NBAS: variants seen among roughly 807,000 people sequenced by gnomAD.
NBAS encodes the protein NBAS subunit of NRZ tethering complex.
In NBAS, 219 loss-of-function variants were observed where a neutral mutation model predicts 302.5. The observed-to-expected ratio is 0.72, with a 90% CI of 0.65 to 0.81. The LOEUF (loss-of-function observed/expected upper bound fraction) is 0.81, where lower values mean the gene tolerates loss of function less well. Ranked by LOEUF, NBAS falls within the 30% of genes least tolerant of loss-of-function variation. The probability of loss-of-function intolerance (pLI) is 0.00; values close to 1 mark genes in which losing one functional copy is unlikely to be tolerated. For synonymous variants in NBAS, 1,118 were observed against 1,021.6 expected, an observed-to-expected ratio of 1.09 and a Z score of -1.80; for missense variants, 2,932 against 2,841.6, an observed-to-expected ratio of 1.03 and a Z score of -0.72.
At chr2:15,254,799 G>GT (rs1353435717) in intron 44 of NBAS, among the ~76,000 whole-genome samples, 1 of 152,072 alleles carries the variant, frequency 6.6e-6, no homozygotes, top group Non-Finnish European at 1.5e-5. Context: ...AAGATGTTTG[G>GT]TTTTCCACTC....
chr2:15,120,417 C>G, the NBAS span, among the ~76,000 whole-genome samples: 2 of 152,048 alleles, frequency 1.3e-5, no homozygotes, highest in African/African-American at 4.8e-5. Flanking sequence ...AAACCTGTGT[C>G]CTTTCCACTT....
chr2:15,094,862 T>C, the NBAS span, among the ~76,000 whole-genome samples: 3 of 152,048 alleles, frequency 2.0e-5, no homozygotes, highest in Non-Finnish European at 4.4e-5. Context: ...CTCCCAGGCA[T>C]AGGGAGATGA....
chr2:15,469,051 A>G (rs748725246), intron 16 of NBAS, among the ~76,000 whole-genome samples: 1 of 152,160 alleles, frequency 6.6e-6, no homozygotes, highest in East Asian at 1.9e-4. Flanking sequence ...TCAAAGTCCT[A>G]TTCCTCCCTC....
intron 51 of NBAS, among the ~76,000 whole-genome samples, chr2:15,168,748 T>A (rs986360812): frequency 3.9e-5 from 6 of 152,180 alleles, no homozygotes; most frequent in Admixed American, 2.6e-4. Context: ...TCCTGCCTCA[T>A]CCTCCCAAGT....
the NBAS span, among the ~76,000 whole-genome samples, chr2:14,918,142 A>G: frequency 2.0e-5 from 3 of 152,242 alleles, no homozygotes; most frequent in East Asian, 5.8e-4. Context: ...CCTGTTATCT[A>G]TCCTGAAGTC....
chr2:15,063,636 A>T, the NBAS span, among the ~76,000 whole-genome samples: 10 of 152,174 alleles, frequency 6.6e-5, no homozygotes, highest in African/African-American at 2.4e-4. Context: ...GGTTAAATGA[A>T]GTCTTAAAAG....
chr2:14,841,557 T>C, the NBAS span, among the ~76,000 whole-genome samples: 4 of 144,606 alleles, frequency 2.8e-5, no homozygotes, highest in Non-Finnish European at 6.1e-5. Flanking sequence ...AGACTACAAA[T>C]AAAAGACTGT....
At chr2:15,083,755 C>T in the NBAS span, among the ~76,000 whole-genome samples, 3 of 152,154 alleles carry the variant, frequency 2.0e-5, no homozygotes, top group African/African-American at 7.2e-5. Context: ...AATGACTGAC[C>T]AGCCTGTGTA....
chr2:15,379,901 T>C, intron 29 of NBAS, 70 bp from the exon 30 acceptor site: 4 of 1,435,090 alleles, frequency 2.8e-6, no homozygotes, highest in Non-Finnish European at 3.9e-6. Flanking sequence ...ATGAAGGCTC[T>C]GAAATCCAAA....
the NBAS span, among the ~76,000 whole-genome samples, chr2:15,101,427 T>G: frequency 6.6e-6 from 1 of 152,106 alleles, no homozygotes; most frequent in East Asian, 1.9e-4. Context: ...ATATAAGTTA[T>G]GTATAGACTT....
At chr2:15,228,547 T>C (rs1272701552) in intron 47 of NBAS, among the ~76,000 whole-genome samples, 1 of 152,238 alleles carries the variant, frequency 6.6e-6, no homozygotes, top group Admixed American at 6.5e-5. Context: ...CCCATGTTTA[T>C]TGCAGTACTA....
At chr2:14,987,807 A>G in the NBAS span, among the ~76,000 whole-genome samples, 1 of 152,138 alleles carries the variant, frequency 6.6e-6, no homozygotes, top group East Asian at 1.9e-4. Flanking sequence ...CCAAATACCC[A>G]GGGAATTTGC....
At chr2:14,969,733 G>T in the NBAS span, among the ~76,000 whole-genome samples, 1 of 152,100 alleles carries the variant, frequency 6.6e-6, no homozygotes, top group Non-Finnish European at 1.5e-5. Context: ...AGTAAACGGT[G>T]CTGGAAAAAA....
At chr2:15,455,461 C>G (rs1213160324) in intron 21 of NBAS, among the ~76,000 whole-genome samples, 1 of 151,992 alleles carries the variant, frequency 6.6e-6, no homozygotes, top group African/African-American at 2.4e-5. Context: ...TAAGAATTAT[C>G]TGTATTACCT....
the NBAS span, among the ~76,000 whole-genome samples, chr2:15,132,289 T>G: frequency 6.6e-6 from 1 of 152,314 alleles, no homozygotes; most frequent in Middle Eastern, 3.4e-3. Flanking sequence ...TGGAGGACAT[T>G]TATGTACATA....
At chr2:14,920,033 G>T in the NBAS span, among the ~76,000 whole-genome samples, 9 of 152,096 alleles carry the variant, frequency 5.9e-5, no homozygotes, top group African/African-American at 2.2e-4. Context: ...CTTTGCCAAG[G>T]CCCATCAGGG....
At chr2:14,853,794 C>T in the NBAS span, among the ~76,000 whole-genome samples, 1 of 120,312 alleles carries the variant, frequency 8.3e-6, no homozygotes, top group Admixed American at 8.0e-5. Flanking sequence ...AAATTGGAAA[C>T]CATCATTCTC....
At chr2:14,885,932 A>G in the NBAS span, among the ~76,000 whole-genome samples, 1 of 152,228 alleles carries the variant, frequency 6.6e-6, no homozygotes, top group Admixed American at 6.5e-5. Flanking sequence ...CCAGATTGGC[A>G]CGGAATAAAG....
At chr2:15,522,597 G>C (rs1662724875) in intron 9 of NBAS, among the ~76,000 whole-genome samples, 1 of 152,166 alleles carries the variant, frequency 6.6e-6, no homozygotes. Context: ...ATTAGGTCTG[G>C]ATAAGGCTGC....
Sources: allele counts gnomAD v4.1 joint callset (sites outside exome capture counted in the v4.1 genomes callset), GRCh38; gene constraint gnomAD v4.1.1; transcripts MANE v1.5; gene names NCBI Gene and HGNC (gene_info 2026-07-23, HGNC 2026-07-21).